Variants in TRAPPC9 observed in about 807,000 individuals in gnomAD.
TRAPPC9 encodes trafficking protein particle complex subunit 9.
In TRAPPC9, 83 loss-of-function variants were observed where a neutral mutation model predicts 124.0. That is an observed-to-expected ratio of 0.67 (90% CI 0.56 to 0.80). The LOEUF (loss-of-function observed/expected upper bound fraction) is 0.80, where lower values mean the gene tolerates loss of function less well. Among genes scored for constraint, TRAPPC9 ranks in the 30% least tolerant of loss-of-function variants. TRAPPC9 has a pLI of 0.00. For missense variants in TRAPPC9, 1,302 were observed against 1,508.3 expected, an observed-to-expected ratio of 0.86 and a Z score of 2.27; for synonymous variants, 638 against 617.5, an observed-to-expected ratio of 1.03 and a Z score of -0.49.
At chr8:140,083,158 A>C (rs1843948338) in intron 17 of TRAPPC9, among the ~76,000 whole-genome samples, 2 of 151,688 alleles carry the variant, frequency 1.3e-5, no homozygotes, top group Admixed American at 6.6e-5. Context: ...GTGCCACTGC[A>C]CTCCAGCCTG....
At chr8:140,331,308 A>G (rs961927871) in intron 9 of TRAPPC9, among the ~76,000 whole-genome samples, 7 of 152,182 alleles carry the variant, frequency 4.6e-5, no homozygotes, top group African/African-American at 1.7e-4. Flanking sequence ...GCCACTATAT[A>G]CAAAAATTGA....
intron 17 of TRAPPC9, among the ~76,000 whole-genome samples, chr8:140,194,994 G>T (rs539668914): frequency 7.9e-5 from 12 of 151,554 alleles, no homozygotes; most frequent in Admixed American, 2.0e-4. Flanking sequence ...CACACTCAAG[G>T]TTCTACTGTA....
intron 9 of TRAPPC9, among the ~76,000 whole-genome samples, chr8:140,315,704 C>A (rs1488771535): frequency 4.6e-5 from 7 of 152,076 alleles, no homozygotes; most frequent in African/African-American, 1.7e-4. Flanking sequence ...TAAATTATAT[C>A]TTTTTCTGAA....
intron 17 of TRAPPC9, among the ~76,000 whole-genome samples, chr8:140,093,776 C>T (rs971328271): frequency 1.2e-4 from 18 of 152,272 alleles, no homozygotes; most frequent in African/African-American, 2.9e-4. Context: ...AAGCTGAGCC[C>T]TCCAGAGACA....
At chr8:139,854,689 T>G (rs763471264) in intron 21 of TRAPPC9, among the ~76,000 whole-genome samples, 8 of 152,208 alleles carry the variant, frequency 5.3e-5, no homozygotes, top group Non-Finnish European at 1.0e-4. Context: ...TCCTAGTAGG[T>G]GCTGCTCTCA....
intron 21 of TRAPPC9, among the ~76,000 whole-genome samples, chr8:139,782,187 C>G (rs1349907896): frequency 6.6e-6 from 1 of 152,136 alleles, no homozygotes; most frequent in Non-Finnish European, 1.5e-5. Flanking sequence ...TGAGACTAGC[C>G]TGGCCAACAT....
intron 9 of TRAPPC9, among the ~76,000 whole-genome samples, chr8:140,314,151 A>C (rs755225222): frequency 3.3e-5 from 5 of 152,246 alleles, no homozygotes; most frequent in Non-Finnish European, 7.3e-5. Context: ...CAGACAACAC[A>C]GACATTAATA....
At chr8:139,901,282 C>T (rs573998902) in intron 20 of TRAPPC9, among the ~76,000 whole-genome samples, 20 of 152,280 alleles carry the variant, frequency 1.3e-4, no homozygotes, top group African/African-American at 4.8e-4. Context: ...CTTAGCCCCA[C>T]TTCAGATCAA....
At chr8:140,174,159 G>A (rs1025473184) in intron 17 of TRAPPC9, among the ~76,000 whole-genome samples, 1 of 152,050 alleles carries the variant, frequency 6.6e-6, no homozygotes, top group Non-Finnish European at 1.5e-5. Context: ...TTATAAGTGG[G>A]AGCTAAATAA....
chr8:140,287,312 G>A (rs1045121235), intron 13 of TRAPPC9, among the ~76,000 whole-genome samples: 15 of 152,070 alleles, frequency 9.9e-5, no homozygotes, highest in African/African-American at 3.6e-4. Flanking sequence ...AGGAGTTCCA[G>A]CAAGAAGGAG....
In TRAPPC9 at chr8:139,730,558, T is replaced by C. The variant is rs1817751913; in HGVS notation, c.*503A>G. 1 of 163,108 alleles carries C rather than the reference T, an allele frequency of 6.1e-6. No homozygotes were observed. The highest frequency in any genetic ancestry group is 1.7e-4 in the South Asian group (1 of 5,842). The allele number at this position is 163,108 out of a possible 1,614,324, so 10.1% of individuals were successfully genotyped here. A position where few individuals can be genotyped will look rare whatever the true frequency, so the allele number is the denominator to read the frequency against. ...ACCATCTCTCCTGCCAAGTTGCCCA[T>C]GGGGGTCTCCAGGAAGAAAACCAGC... On this transcript the variant is annotated 3_prime_UTR_variant, in exon 23 of 23. Transcript: ENST00000438773.
intron 17 of TRAPPC9, among the ~76,000 whole-genome samples, chr8:140,094,483 G>A (rs1237828604): frequency 6.6e-6 from 1 of 152,154 alleles, no homozygotes; most frequent in Non-Finnish European, 1.5e-5. Flanking sequence ...CCAAAGGAAA[G>A]GTCAGAAAGG....
intron 12 of TRAPPC9, among the ~76,000 whole-genome samples, chr8:140,289,700 T>C (rs2065593584): frequency 6.6e-6 from 1 of 151,454 alleles, no homozygotes; most frequent in Non-Finnish European, 1.5e-5. Flanking sequence ...AAAAAATGTG[T>C]AAGAAAGAGC....
intron 21 of TRAPPC9, among the ~76,000 whole-genome samples, chr8:139,771,697 G>A (rs1191925020): frequency 6.6e-6 from 1 of 152,236 alleles, no homozygotes; most frequent in East Asian, 1.9e-4. Context: ...GGATATTTGT[G>A]ACAAGTGGAA....
At position 140,275,918 on chromosome 8, in the gene TRAPPC9, C is replaced by A. The variant is rs757646014; in HGVS notation, c.2115-97G>T. 427 of 1,006,818 alleles carry A rather than the reference C, an allele frequency of 4.2e-4. 2 individuals are homozygous for A. The Middle Eastern group carries it at 5.8e-3, about 14-fold the overall frequency. The allele number at this position is 1,006,818 out of a possible 1,614,324, so 62.4% of individuals were successfully genotyped here. A position where few individuals can be genotyped will look rare whatever the true frequency, so the allele number is the denominator to read the frequency against. On this transcript the variant is annotated intron_variant, in intron 14 of 22. Coordinates refer to ENST00000438773, the MANE Select transcript of TRAPPC9 (RefSeq NM_001160372.4). ...CCAAAGAAGAATCACCATACTCATG[C>A]ATTTCAGAAACAGGGGCTAGGAAAT...
At chr8:139,853,620 G>A (rs759070858) in intron 21 of TRAPPC9, among the ~76,000 whole-genome samples, 7 of 152,196 alleles carry the variant, frequency 4.6e-5, no homozygotes, top group Non-Finnish European at 1.0e-4. Flanking sequence ...TGCAGGGTGG[G>A]GATTCAGGCC....
chr8:140,113,830 C>T (rs2060827927), intron 17 of TRAPPC9, among the ~76,000 whole-genome samples: 1 of 152,208 alleles, frequency 6.6e-6, no homozygotes, highest in Non-Finnish European at 1.5e-5. Context: ...CACCTCCCAA[C>T]CTTTAATTGG....
intron 9 of TRAPPC9, among the ~76,000 whole-genome samples, chr8:140,319,323 C>T (rs1352912600): frequency 2.6e-5 from 4 of 151,548 alleles, no homozygotes; most frequent in Non-Finnish European, 5.9e-5. Context: ...CTACGGGCAC[C>T]CGCCACCAGG....
intron 17 of TRAPPC9, among the ~76,000 whole-genome samples, chr8:140,083,479 G>A (rs1174203988): frequency 2.6e-5 from 4 of 152,082 alleles, no homozygotes; most frequent in South Asian, 2.1e-4. Context: ...CACACGCAAC[G>A]CAGTACCCAG....
Sources: gnomAD v4.1 joint callset for allele counts (sites outside exome capture counted in the v4.1 genomes callset) on GRCh38, gnomAD v4.1.1 for gene constraint, MANE v1.5 for transcripts, NCBI Gene and HGNC (gene_info 2026-07-23, HGNC 2026-07-21) for gene names.